The following FANCC variants were observed in gnomAD, a reference collection of about 807,000 sequenced individuals.
The protein encoded by FANCC is Fanconi anemia group C protein.
A neutral mutation model predicts 71.3 loss-of-function variants in FANCC; 55 were observed. The observed-to-expected ratio is 0.77, with a 90% confidence interval of 0.62 to 0.97. The LOEUF is 0.97. FANCC is among the 50% of genes least tolerant of loss of function. The probability of loss-of-function intolerance (pLI) is 0.00; values close to 1 mark genes in which losing one functional copy is unlikely to be tolerated. For missense variants in FANCC, 678 were observed against 670.9 expected (o/e 1.01, Z -0.12); for synonymous variants, 275 against 244.9 (o/e 1.12, Z -1.15).
intron 1 of FANCC, among the ~76,000 whole-genome samples, chr9:95,265,883 T>C (rs997220271): frequency 6.6e-6 from 1 of 152,022 alleles, no homozygotes; most frequent in African/African-American, 2.4e-5. Context: ...AATGAGGAAA[T>C]TGGGACCCAT....
At chr9:95,183,713 A>G (rs1826522606) in intron 4 of FANCC, among the ~76,000 whole-genome samples, 1 of 152,212 alleles carries the variant, frequency 6.6e-6, no homozygotes. Flanking sequence ...GGTGCCACTC[A>G]GCTTGCAGTA....
chr9:95,117,481 A>G, intron 10 of FANCC, 91 bp from the exon 11 acceptor site: 2 of 965,300 alleles, frequency 2.1e-6, no homozygotes, highest in Non-Finnish European at 3.3e-6. Context: ...TGCCCAAAAA[A>G]GACCCACCAG....
At chr9:95,151,398 AG>A (rs1453398124) in intron 6 of FANCC, among the ~76,000 whole-genome samples, 1 of 152,236 alleles carries the variant, frequency 6.6e-6, no homozygotes, top group Non-Finnish European at 1.5e-5. Context: ...TTGTAAATAT[AG>A]AAATTTAGTC....
intron 8 of FANCC, among the ~76,000 whole-genome samples, chr9:95,128,982 A>G (rs1018953783): frequency 1.3e-5 from 2 of 151,140 alleles, no homozygotes; most frequent in African/African-American, 4.9e-5. Flanking sequence ...GGCTCACTGC[A>G]ACCTCCAACT....
intron 1 of FANCC, among the ~76,000 whole-genome samples, chr9:95,264,829 T>C (rs1832292116): frequency 6.6e-6 from 1 of 152,160 alleles, no homozygotes; most frequent in African/African-American, 2.4e-5. Context: ...AAATATAAAA[T>C]TAAGAAATTT....
intron 8 of FANCC, among the ~76,000 whole-genome samples, chr9:95,130,166 A>G (rs1034930430): frequency 6.6e-6 from 1 of 152,136 alleles, no homozygotes; most frequent in East Asian, 1.9e-4. Context: ...TTAAGCTGTT[A>G]TTTTCATACC....
At chr9:95,194,251 C>G (rs746320127) in intron 4 of FANCC, among the ~76,000 whole-genome samples, 1 of 152,108 alleles carries the variant, frequency 6.6e-6, no homozygotes, top group African/African-American at 2.4e-5. Flanking sequence ...TGGAGCTCTG[C>G]TGGTGACAAA....
rs919705909 is a variant in FANCC at position 95,100,918 on chromosome 9, C to T, written c.*789G>A. 2 of 232,940 alleles carry T rather than the reference C, an allele frequency of 8.6e-6. No homozygotes were observed. The highest frequency in any genetic ancestry group is 1.7e-5 in the Non-Finnish European group (2 of 117,932). 14.4% of individuals were successfully genotyped at this position (232,940 alleles called of 1,614,324 possible). A position where few individuals can be genotyped will look rare whatever the true frequency, so the allele number is the denominator to read the frequency against. On this transcript the variant is annotated 3_prime_UTR_variant, in exon 15 of 15. Transcript: ENST00000289081. ...GTGCTGGGATCACAGGTGTGAGCCA[C>T]TGCACCCAGCCAGGCCAATTCTTTA...
At chr9:95,253,675 C>T (rs1423964708) in intron 1 of FANCC, among the ~76,000 whole-genome samples, 2 of 151,844 alleles carry the variant, frequency 1.3e-5, no homozygotes, top group Non-Finnish European at 2.9e-5. Context: ...TTTTTATTCC[C>T]ATAGGTTTTG....
intron 4 of FANCC, among the ~76,000 whole-genome samples, chr9:95,239,000 G>A (rs928287864): frequency 2.6e-5 from 4 of 152,170 alleles, no homozygotes; most frequent in Non-Finnish European, 4.4e-5. Flanking sequence ...CCAAGTTCCA[G>A]GCACACTTAA....
intron 12 of FANCC, chr9:95,114,341 T>C (rs1588059189): frequency 4.7e-6 from 2 of 429,906 alleles, no homozygotes; most frequent in Non-Finnish European, 8.7e-6. Flanking sequence ...TTCTTTTTAT[T>C]GTTATGCCTG....
intron 4 of FANCC, among the ~76,000 whole-genome samples, chr9:95,191,056 C>T (rs894156051): frequency 2.0e-5 from 3 of 152,116 alleles, no homozygotes; most frequent in Non-Finnish European, 4.4e-5. Flanking sequence ...TCATGAAGGG[C>T]TGGACTCCAG....
intron 9 of FANCC, 42 bp downstream of exon 9, chr9:95,126,487 C>CT: frequency 1.3e-6 from 2 of 1,584,438 alleles, no homozygotes; most frequent in Admixed American, 1.7e-5. Flanking sequence ...GAAATGGAAC[C>CT]TTTTTTACAT....
chr9:95,189,745 G>C (rs140907985), intron 4 of FANCC, among the ~76,000 whole-genome samples: 48 of 152,252 alleles, frequency 3.2e-4, no homozygotes, highest in African/African-American at 1.1e-3. Flanking sequence ...TCATCCCTTT[G>C]AAAACACCCT....
intron 1 of FANCC, among the ~76,000 whole-genome samples, chr9:95,295,903 T>C (rs1217621364): frequency 6.6e-6 from 1 of 152,152 alleles, no homozygotes; most frequent in Non-Finnish European, 1.5e-5. Context: ...CTATATTGCA[T>C]AGTGCCCATG....
At chr9:95,122,800 C>G (rs1206309795) in intron 10 of FANCC, among the ~76,000 whole-genome samples, 1 of 152,186 alleles carries the variant, frequency 6.6e-6, no homozygotes, top group East Asian at 1.9e-4. Flanking sequence ...TGAGACTCCC[C>G]AGAGGCCCGT....
At chr9:95,262,260 A>G (rs943959748) in intron 1 of FANCC, among the ~76,000 whole-genome samples, 21 of 152,122 alleles carry the variant, frequency 1.4e-4, no homozygotes, top group Non-Finnish European at 3.1e-4. Context: ...TTCATGGAAA[A>G]TGTACCTTAC....
intron 4 of FANCC, among the ~76,000 whole-genome samples, chr9:95,195,501 G>T (rs1016539543): frequency 1.3e-5 from 2 of 152,086 alleles, no homozygotes; most frequent in African/African-American, 2.4e-5. Context: ...CAATATCACA[G>T]GATCTAATTA....
At chr9:95,234,584 T>C (rs1342914605) in intron 4 of FANCC, among the ~76,000 whole-genome samples, 1 of 152,212 alleles carries the variant, frequency 6.6e-6, no homozygotes, top group East Asian at 1.9e-4. Flanking sequence ...GCAAGATACT[T>C]ACAAGGCCAC....
Sources: allele counts gnomAD v4.1 joint callset (sites outside exome capture counted in the v4.1 genomes callset), GRCh38; gene constraint gnomAD v4.1.1; transcripts MANE v1.5; gene names NCBI Gene and HGNC (gene_info 2026-07-23, HGNC 2026-07-21).